The following ZNF469 variants were observed in gnomAD, a reference collection of about 807,000 sequenced individuals.
The protein encoded by ZNF469 is zinc finger protein 469.
In ZNF469, 1 loss-of-function variant was observed where a neutral mutation model predicts 1.0. The ratio of observed to expected loss-of-function variants is 1.00; its 90% CI spans 0.35 to 4.73. ZNF469 has a LOEUF of 4.73. ZNF469 is among the 30% of genes most tolerant of loss of function. The probability of loss-of-function intolerance (pLI) is 0.16; values close to 1 mark genes in which losing one functional copy is unlikely to be tolerated. For synonymous variants in ZNF469, 2,703 were observed against 2,363.4 expected (o/e 1.14, Z -4.17); for missense variants, 6,100 against 5,356.3 (o/e 1.14, Z -4.33).
the ZNF469 span, among the ~76,000 whole-genome samples, chr16:88,305,382 AC>A: frequency 6.8e-6 from 1 of 147,282 alleles, no homozygotes; most frequent in Non-Finnish European, 1.5e-5. Flanking sequence ...ACGCATGCAC[AC>A]CCTCACATGT....
chr16:88,374,982 A>C, the ZNF469 span, among the ~76,000 whole-genome samples: 1 of 152,254 alleles, frequency 6.6e-6, no homozygotes, highest in African/African-American at 2.4e-5. Context: ...GGGAAAACAC[A>C]GGCCCCAGCT....
chr16:88,187,071 G>C, the ZNF469 span, among the ~76,000 whole-genome samples: 2 of 152,184 alleles, frequency 1.3e-5, no homozygotes, highest in Non-Finnish European at 2.9e-5. Context: ...CGATGTAGCG[G>C]GGCCCTCTGG....
In ZNF469 at chr16:88,433,398, G is replaced by C; in HGVS notation, c.5928G>C (p.Gly1976=). Residue 1976 remains glycine, a synonymous_variant, in exon 3 of 3, where the codon GGG becomes GGC. Coordinates refer to ENST00000565624, the MANE Select transcript of ZNF469 (RefSeq NM_001367624.2). ...TLPAVAGHQL[G]LEADGHWGLL... The stretch of plus-strand genomic sequence containing the variant: ...CTGCAGTGGCCGGACATCAGCTGGG[G>C]CTGGAGGCAGATGGACATTGGGGCT... The C allele has an allele frequency of 1.9e-6, 3 of 1,550,362 alleles. No individual in the cohort carries two copies. The highest frequency in any genetic ancestry group is 8.7e-7 in the Non-Finnish European group (1 of 1,146,956).
At chr16:88,266,716 G>T in the ZNF469 span, among the ~76,000 whole-genome samples, 1 of 152,244 alleles carries the variant, frequency 6.6e-6, no homozygotes, top group Non-Finnish European at 1.5e-5. Context: ...ACAGCTGTGA[G>T]CAGAATTCCT....
chr16:88,124,413 A>T, the ZNF469 span, among the ~76,000 whole-genome samples: 1 of 151,714 alleles, frequency 6.6e-6, no homozygotes, highest in Non-Finnish European at 1.5e-5. Context: ...TTTTGTGGAG[A>T]CAGGGCCTCA....
At chr16:88,289,166 T>G in the ZNF469 span, among the ~76,000 whole-genome samples, 1 of 151,490 alleles carries the variant, frequency 6.6e-6, no homozygotes, top group East Asian at 1.9e-4. Context: ...GCAATGATGA[T>G]GATGATGAGG....
chr16:88,305,350 G>A, the ZNF469 span, among the ~76,000 whole-genome samples: 1 of 99,330 alleles, frequency 1.0e-5, no homozygotes, highest in African/African-American at 4.1e-5. Context: ...TCACACACAT[G>A]CACACACATG....
chr16:88,120,749 G>A, the ZNF469 span, among the ~76,000 whole-genome samples: 6 of 152,232 alleles, frequency 3.9e-5, no homozygotes, highest in Non-Finnish European at 8.8e-5. Context: ...CGGGAACACT[G>A]GCTGGAAAAT....
chr16:88,220,603 A>C, the ZNF469 span, among the ~76,000 whole-genome samples: 2 of 152,234 alleles, frequency 1.3e-5, no homozygotes, highest in East Asian at 3.9e-4. Flanking sequence ...TTTAATCCTC[A>C]TGACACTGTG....
At chr16:88,252,325 C>T in the ZNF469 span, among the ~76,000 whole-genome samples, 1 of 150,744 alleles carries the variant, frequency 6.6e-6, no homozygotes, top group African/African-American at 2.4e-5. Flanking sequence ...CTGCCAAGAT[C>T]TCCCCTGTAT....
chr16:88,269,869 G>A, the ZNF469 span, among the ~76,000 whole-genome samples: 8 of 151,986 alleles, frequency 5.3e-5, no homozygotes, highest in Middle Eastern at 3.2e-3. Flanking sequence ...ACTTCCCGGC[G>A]TAGATGCTCC....
upstream of ZNF469, among the ~76,000 whole-genome samples, chr16:88,379,767 C>G (rs1300542546): frequency 1.3e-5 from 2 of 152,084 alleles, no homozygotes; most frequent in African/African-American, 4.8e-5. Flanking sequence ...GGGGACAAGG[C>G]AAGGGGTGGA....
At chr16:88,125,214 T>C in the ZNF469 span, among the ~76,000 whole-genome samples, 6 of 146,174 alleles carry the variant, frequency 4.1e-5, no homozygotes. Flanking sequence ...ACTTCTTTCA[T>C]TGATCTACAC....
At position 88,434,941 on chromosome 16, in the gene ZNF469, A is replaced by G. The variant is rs74032867; in HGVS notation, c.7471A>G (p.Lys2491Glu). 172 of 1,550,038 alleles carry G rather than the reference A, an allele frequency of 1.1e-4. No individual in the cohort carries two copies. In the African/African-American group the frequency reaches 2.2e-3, roughly 20 times the overall value. ...CTCCGGGCCGGGCCTGAGCCGGCAC[A>G]AGGCCAGGAAGCACCGGCCACACCC... ...FRSGPGLSRH[K>E]ARKHRPHPGA... Residue 2491 changes from lysine to glutamate, a missense_variant, in exon 3 of 3, where the codon AAG (lysine) becomes GAG (glutamate). Coordinates refer to ENST00000565624, the MANE Select transcript of ZNF469 (RefSeq NM_001367624.2).
chr16:88,334,673 G>T, the ZNF469 span, among the ~76,000 whole-genome samples: 1 of 152,244 alleles, frequency 6.6e-6, no homozygotes, highest in Non-Finnish European at 1.5e-5. Context: ...CGGCAGATAT[G>T]ATTGCACTAA....
the ZNF469 span, among the ~76,000 whole-genome samples, chr16:88,152,279 A>G: frequency 1.3e-5 from 2 of 152,184 alleles, no homozygotes; most frequent in East Asian, 1.9e-4. This position sits in a 1 kb window ranked among gnomAD's most constrained non-coding sequence, Gnocchi z 4.2. Context: ...ACCCTCTGAG[A>G]TGGGCTTTGG....
the ZNF469 span, among the ~76,000 whole-genome samples, chr16:88,272,887 CG>C: frequency 1.4e-5 from 2 of 142,730 alleles, no homozygotes; most frequent in African/African-American, 5.4e-5. Flanking sequence ...TGTGGATAGA[CG>C]AGTGGACGGG....
At chr16:88,101,429 T>C in the ZNF469 span, among the ~76,000 whole-genome samples, 3 of 152,156 alleles carry the variant, frequency 2.0e-5, no homozygotes, top group African/African-American at 7.2e-5. Flanking sequence ...CTTTGTCTTC[T>C]CTCCTTTTTG....
chr16:88,133,215 G>A, the ZNF469 span, among the ~76,000 whole-genome samples: 4 of 152,258 alleles, frequency 2.6e-5, no homozygotes, highest in South Asian at 4.1e-4. Flanking sequence ...GGCTCCTTCC[G>A]CCCTCGTCCT....
Sources: allele counts gnomAD v4.1 joint callset (sites outside exome capture counted in the v4.1 genomes callset), GRCh38; gene constraint gnomAD v4.1.1; non-coding constraint Gnocchi (gnomAD v3.1); transcripts MANE v1.5; gene names NCBI Gene and HGNC (gene_info 2026-07-23, HGNC 2026-07-21).